SNTG1: variants seen among roughly 807,000 people sequenced by gnomAD.
SNTG1 encodes the protein syntrophin gamma 1.
In SNTG1, 39 loss-of-function variants were observed where a neutral mutation model predicts 74.7. The ratio of observed to expected loss-of-function variants is 0.52; its 90% CI spans 0.40 to 0.68. The LOEUF (loss-of-function observed/expected upper bound fraction) is 0.68, where lower values mean the gene tolerates loss of function less well. Ranked by LOEUF, SNTG1 falls within the 30% of genes least tolerant of loss-of-function variation. The probability of loss-of-function intolerance (pLI) is 0.00; values close to 1 mark genes in which losing one functional copy is unlikely to be tolerated. For synonymous variants in SNTG1, 254 were observed against 217.1 expected, an observed-to-expected ratio of 1.17 and a Z score of -1.49; for missense variants, 685 against 609.5, an observed-to-expected ratio of 1.12 and a Z score of -1.30.
At chr8:50,087,712 GACAGACA>G (rs780665166) in intron 1 of SNTG1, among the ~76,000 whole-genome samples, 15 of 151,970 alleles carry the variant, frequency 9.9e-5, no homozygotes, top group Non-Finnish European at 1.9e-4. Context: ...TAAACAATTA[GACAGACA>G]ACTATGGGCA....
Position 50,649,492 on chromosome 8 carries a change from CCTT to C in SNTG1, c.850-7414_850-7412del, listed in dbSNP as rs554309522. On this transcript the variant is annotated intron_variant, in intron 13 of 18. Coordinates refer to ENST00000642720, the MANE Select transcript of SNTG1 (RefSeq NM_018967.5). ...CCAGCCTGGGTGACAGAGGGAGACT[CCTT>C]CTCAAAAAAAGAAGTGAGGAGTCAG... is the stretch of plus-strand genomic sequence containing the variant. 1.6e-3 allele frequency among the ~76,000 whole-genome samples: 237 copies of C among 152,022 alleles called. 2 individuals carry two copies. Among genetic ancestry groups the C allele is most frequent in the Middle Eastern group, 0.01 (3 of 294 alleles).
rs868326078 is a variant in SNTG1 at position 50,486,119 on chromosome 8, C to G, written c.364-16659C>G. On this transcript the variant is annotated intron_variant, in intron 8 of 18. Coordinates refer to ENST00000642720, the MANE Select transcript of SNTG1 (RefSeq NM_018967.5). The stretch of plus-strand genomic sequence containing the variant: ...CTTTGTTCTTTTGGCTTAGGATTGA[C>G]TTGGCGATGCAGGCTCTTTTTTGCT... Among the ~76,000 whole-genome samples, 987 of 152,304 alleles carry G rather than the reference C, an allele frequency of 6.5e-3. 6 individuals carry two copies. Among genetic ancestry groups the G allele is most frequent in the African/African-American group, 0.023 (942 of 41,562 alleles).
intron 1 of SNTG1, among the ~76,000 whole-genome samples, chr8:49,978,113 A>G (rs1254182428): frequency 6.6e-6 from 1 of 152,234 alleles, no homozygotes; most frequent in Non-Finnish European, 1.5e-5. Flanking sequence ...GTTGAAATGT[A>G]GGTCACTCTT....
chr8:50,647,352 A>C (rs371524322), intron 13 of SNTG1, among the ~76,000 whole-genome samples: 1 of 152,098 alleles, frequency 6.6e-6, no homozygotes, highest in African/African-American at 2.4e-5. Context: ...GAGAACTCTT[A>C]AAACTCAACA....
intron 2 of SNTG1, among the ~76,000 whole-genome samples, chr8:50,367,036 T>C (rs1015360046): frequency 6.6e-6 from 1 of 151,348 alleles, no homozygotes; most frequent in Non-Finnish European, 1.5e-5. Context: ...ACTAACACCA[T>C]CAAAGAGATC....
Position 50,502,871 on chromosome 8 carries a change from G to T in SNTG1, c.457G>T (p.Asp153Tyr), listed in dbSNP as rs771601846. 1.2e-5 allele frequency: 20 copies of T among 1,611,828 alleles called. No homozygotes were observed. Among genetic ancestry groups the T allele is most frequent in the Non-Finnish European group, 1.4e-5 (17 of 1,178,308 alleles). The change falls in exon 9 of 19, where the codon GAT (aspartate) becomes TAT (tyrosine). Residue 153 changes from aspartate to tyrosine, a missense_variant. By Grantham distance (160) the Asp-to-Tyr change is radical (BLOSUM62 -3). Coordinates refer to ENST00000642720, the MANE Select transcript of SNTG1 (RefSeq NM_018967.5). ...PAFLKLPLNEDCACAPSDQSS... is the reference protein window; with the variant it reads ...PAFLKLPLNEYCACAPSDQSS... ...TTTCCTCAAACTCCCATTGAATGAA[G>T]ATTGTGCATGTAAGCATTTATAAAG...
At chr8:50,624,075 A>C (rs79976167) in intron 13 of SNTG1, among the ~76,000 whole-genome samples, 6,535 of 151,970 alleles carry the variant, frequency 0.043, 242 homozygotes, top group African/African-American at 0.094. Flanking sequence ...GGTGGTATGG[A>C]TTTCTAATAA....
At chr8:50,179,119 A>G (rs777024062) in intron 2 of SNTG1, among the ~76,000 whole-genome samples, 3 of 152,078 alleles carry the variant, frequency 2.0e-5, no homozygotes, top group Non-Finnish European at 4.4e-5. Flanking sequence ...TTGACCATGT[A>G]TGCTTGGGTT....
At chr8:50,291,387 T>A (rs570799258) in intron 2 of SNTG1, among the ~76,000 whole-genome samples, 1 of 152,096 alleles carries the variant, frequency 6.6e-6, no homozygotes, top group African/African-American at 2.4e-5. Flanking sequence ...CAAGGAGGGT[T>A]ATTTGAGCAA....
At chr8:50,347,739 T>C (rs917181467) in intron 2 of SNTG1, among the ~76,000 whole-genome samples, 1 of 152,240 alleles carries the variant, frequency 6.6e-6, no homozygotes, top group African/African-American at 2.4e-5. Flanking sequence ...GGTGTTCAAC[T>C]AATATTTACT....
intron 18 of SNTG1, among the ~76,000 whole-genome samples, chr8:50,758,969 G>T (rs1408814646): frequency 1.3e-5 from 2 of 151,912 alleles, no homozygotes; most frequent in Non-Finnish European, 2.9e-5. Context: ...ATTCTCTCCA[G>T]CATGTGCTAT....
Position 50,021,043 on chromosome 8 carries a change from C to A in SNTG1, c.-103+108812C>A, listed in dbSNP as rs553826459. Among the ~76,000 whole-genome samples the A allele has an allele frequency of 3.3e-5, 5 of 152,188 alleles. No homozygotes were observed. The East Asian group carries it at 9.7e-4, about 29-fold the overall frequency. On this transcript the variant is annotated intron_variant, in intron 1 of 18. Coordinates refer to ENST00000642720, the MANE Select transcript of SNTG1 (RefSeq NM_018967.5). The stretch of plus-strand genomic sequence containing the variant: ...ACTCTTAATCTACTGTGATGAATAT[C>A]TTTGGTTGGGCAGAGGAGGTGGCAT...
chr8:50,513,094 G>T (rs2094098242), intron 9 of SNTG1, among the ~76,000 whole-genome samples: 1 of 152,064 alleles, frequency 6.6e-6, no homozygotes, highest in African/African-American at 2.4e-5. Context: ...ATGGGGTTTT[G>T]GTGTGGATGT....
intron 2 of SNTG1, among the ~76,000 whole-genome samples, chr8:50,348,842 A>C (rs1228509197): frequency 6.6e-6 from 1 of 152,222 alleles, no homozygotes; most frequent in African/African-American, 2.4e-5. Flanking sequence ...TTTTATGGAC[A>C]CAAGGTCTAG....
intron 12 of SNTG1, among the ~76,000 whole-genome samples, chr8:50,586,553 A>T (rs1563614006): frequency 6.6e-6 from 1 of 152,052 alleles, no homozygotes; most frequent in Non-Finnish European, 1.5e-5. Context: ...TTTCATTTCC[A>T]TGTTCTAGCA....
Position 50,173,417 on chromosome 8 carries a change from G to T in SNTG1, c.-28+782G>T, listed in dbSNP as rs1454001819. Among the ~76,000 whole-genome samples, 5 of 152,126 alleles carry T rather than the reference G, an allele frequency of 3.3e-5. 1 individual carries two copies. The East Asian group carries it at 9.6e-4, about 29-fold the overall frequency. ...AGGACTTGTAGTATGGCTTTAGTAA[G>T]ATTCATCAAACTCACTGATATATGT... On this transcript the variant is annotated intron_variant, in intron 2 of 18. Transcript: ENST00000642720.
chr8:50,201,097 AAT>A (rs2083971252), intron 2 of SNTG1, among the ~76,000 whole-genome samples: 1 of 152,170 alleles, frequency 6.6e-6, no homozygotes, highest in South Asian at 2.1e-4. Flanking sequence ...TGAAAAAAAC[AAT>A]ATGTTATCAA....
chr8:50,666,411 A>C (rs569781788), intron 15 of SNTG1, among the ~76,000 whole-genome samples: 1 of 152,254 alleles, frequency 6.6e-6, no homozygotes, highest in Admixed American at 6.6e-5. Flanking sequence ...TGATGATTGC[A>C]TTGTGTTTAT....
intron 2 of SNTG1, among the ~76,000 whole-genome samples, chr8:50,360,754 G>C (rs560695296): frequency 6.6e-6 from 1 of 152,042 alleles, no homozygotes; most frequent in African/African-American, 2.4e-5. Context: ...TAAAAGTATG[G>C]CATAAAAGAT....
Sources: allele counts gnomAD v4.1 joint callset (sites outside exome capture counted in the v4.1 genomes callset), GRCh38; gene constraint gnomAD v4.1.1; transcripts MANE v1.5; gene names NCBI Gene and HGNC (gene_info 2026-07-23, HGNC 2026-07-21).